The following BLTP1 variants were observed in gnomAD, a reference collection of about 807,000 sequenced individuals.
The protein encoded by BLTP1 is fragile site-associated protein.
chr4:122,291,655 C>A, the BLTP1 span: 1 of 817,550 alleles, frequency 1.2e-6, no homozygotes, highest in Non-Finnish European at 1.5e-6. Context: ...AAGCACTGAT[C>A]AAGTAAACAG....
the BLTP1 span, among the ~76,000 whole-genome samples, chr4:122,222,687 G>C: frequency 1.3e-5 from 2 of 151,942 alleles, no homozygotes; most frequent in African/African-American, 2.4e-5. Context: ...CTCTCTCTCT[G>C]TGCCTGCATG....
the BLTP1 span, chr4:122,155,039 GC>G: frequency 1.7e-6 from 1 of 572,262 alleles, no homozygotes; most frequent in South Asian, 7.7e-5. Context: ...TTCATAACTA[GC>G]TATTGAGTAT....
chr4:122,262,636 T>C, the BLTP1 span: 8 of 1,081,852 alleles, frequency 7.4e-6, no homozygotes, highest in Non-Finnish European at 6.5e-6. Flanking sequence ...CTAGTATACA[T>C]GATCAGTTTT....
At chr4:122,270,900 A>G in the BLTP1 span, 1 of 1,357,212 alleles carries the variant, frequency 7.4e-7, no homozygotes, top group East Asian at 2.5e-5. Flanking sequence ...TGCTTGCTTA[A>G]AATTATTTAA....
chr4:122,243,965 A>G, the BLTP1 span: 1 of 1,611,768 alleles, frequency 6.2e-7, no homozygotes, highest in African/African-American at 1.3e-5. Context: ...CAACAGCCAT[A>G]GTTGAAGTAA....
At chr4:122,192,162 G>T in the BLTP1 span, 1 of 1,549,060 alleles carries the variant, frequency 6.5e-7, no homozygotes, top group Non-Finnish European at 8.8e-7. Context: ...TGGAGCTACT[G>T]ATCTAAGGAA....
chr4:122,193,007 C>T, the BLTP1 span, among the ~76,000 whole-genome samples: 2 of 152,184 alleles, frequency 1.3e-5, no homozygotes, highest in East Asian at 3.9e-4. Context: ...AGGATGTGAT[C>T]TAGGCCTCTC....
At chr4:122,262,239 A>G in the BLTP1 span, among the ~76,000 whole-genome samples, 16 of 149,376 alleles carry the variant, frequency 1.1e-4, no homozygotes, top group Non-Finnish European at 2.1e-4. Flanking sequence ...GTGTCTAGGT[A>G]TCAGTTTGCT....
At chr4:122,280,195 T>C in the BLTP1 span, 4 of 985,172 alleles carry the variant, frequency 4.1e-6, no homozygotes, top group Non-Finnish European at 4.8e-6. Context: ...ATTGTCAGTG[T>C]TCCATATTGC....
At chr4:122,224,089 G>A in the BLTP1 span, 1,036 of 982,246 alleles carry the variant, frequency 1.1e-3, 10 homozygotes, top group Non-Finnish European at 7.5e-4. Flanking sequence ...TTCATTGTTT[G>A]GTCTTAATGG....
chr4:122,251,183 T>C, the BLTP1 span: 1 of 894,280 alleles, frequency 1.1e-6, no homozygotes, highest in Middle Eastern at 5.7e-4. Context: ...TATGGTCATG[T>C]TATTGACCTT....
At chr4:122,347,355 C>G in the BLTP1 span, 114 of 820,632 alleles carry the variant, frequency 1.4e-4, 2 homozygotes, top group Non-Finnish European at 6.9e-5. Context: ...AAACAAAACA[C>G]TGGCATGTTC....
the BLTP1 span, chr4:122,187,491 C>A: frequency 6.2e-7 from 1 of 1,612,022 alleles, no homozygotes; most frequent in South Asian, 1.1e-5. Flanking sequence ...TTATTCCAGT[C>A]ATAAAGGTCA....
At chr4:122,273,615 C>A in the BLTP1 span, among the ~76,000 whole-genome samples, 5 of 151,856 alleles carry the variant, frequency 3.3e-5, no homozygotes, top group African/African-American at 1.2e-4. Flanking sequence ...ATTGGTTTAA[C>A]CTGCCTGAAG....
chr4:122,181,290 C>T, the BLTP1 span: 68 of 939,264 alleles, frequency 7.2e-5, no homozygotes, highest in African/African-American at 1.1e-3. Context: ...TAAATGTGCT[C>T]CTGGCGCAGA....
At chr4:122,253,616 A>G in the BLTP1 span, among the ~76,000 whole-genome samples, 1 of 152,122 alleles carries the variant, frequency 6.6e-6, no homozygotes, top group East Asian at 1.9e-4. Context: ...CAAAAGAAAA[A>G]AGGAATGAAA....
At chr4:122,260,323 A>T in the BLTP1 span, among the ~76,000 whole-genome samples, 1 of 152,194 alleles carries the variant, frequency 6.6e-6, no homozygotes, top group Non-Finnish European at 1.5e-5. Flanking sequence ...GTGGCACATG[A>T]CTGTATTGTA....
the BLTP1 span, chr4:122,331,073 A>G: frequency 1.0e-6 from 1 of 967,052 alleles, no homozygotes; most frequent in East Asian, 1.1e-4. Flanking sequence ...TATATTTTAT[A>G]TACTGATATT....
chr4:122,341,144 TA>T, the BLTP1 span, among the ~76,000 whole-genome samples: 1 of 152,122 alleles, frequency 6.6e-6, no homozygotes, highest in Non-Finnish European at 1.5e-5. Context: ...TGTATGTAAA[TA>T]TTTTTAAACA....
Sources: allele counts gnomAD v4.1 joint callset (sites outside exome capture counted in the v4.1 genomes callset), GRCh38; gene constraint gnomAD v4.1.1; transcripts MANE v1.5; gene names NCBI Gene and HGNC (gene_info 2026-07-23, HGNC 2026-07-21).